The following CNTN4 variants were observed in gnomAD, a reference collection of about 807,000 sequenced individuals.
The protein encoded by CNTN4 is contactin 4.
CNTN4 carries 77 observed loss-of-function variants against 122.5 expected under a neutral mutation model. The observed-to-expected ratio is 0.63, with a 90% confidence interval of 0.52 to 0.76. CNTN4 has a LOEUF of 0.76. Among genes scored for constraint, CNTN4 ranks in the 30% least tolerant of loss-of-function variants. The pLI, the probability that CNTN4 is intolerant of heterozygous loss-of-function variation, is 0.00. For missense variants in CNTN4, 1,256 were observed against 1,259.1 expected (o/e 1.00, Z 0.04); for synonymous variants, 512 against 447.0 (o/e 1.15, Z -1.83).
chr3:2,693,649 G>C (rs1322258204), intron 4 of CNTN4, among the ~76,000 whole-genome samples: 1 of 152,120 alleles, frequency 6.6e-6, no homozygotes, highest in Non-Finnish European at 1.5e-5. Flanking sequence ...ATAAATGTTA[G>C]CCAGGAGAAA....
At chr3:2,510,833 A>G (rs1483708501) in intron 3 of CNTN4, among the ~76,000 whole-genome samples, 1 of 152,136 alleles carries the variant, frequency 6.6e-6, no homozygotes, top group Non-Finnish European at 1.5e-5. Context: ...ATGCAGACAG[A>G]GTAAGGAGGA....
At chr3:2,519,065 C>A (rs892867968) in intron 3 of CNTN4, among the ~76,000 whole-genome samples, 2 of 152,146 alleles carry the variant, frequency 1.3e-5, no homozygotes, top group East Asian at 3.9e-4. Flanking sequence ...GACTCCCTGT[C>A]TCTAGTGATA....
At chr3:2,928,937 T>A (rs1356581972) in intron 13 of CNTN4, among the ~76,000 whole-genome samples, 1 of 152,252 alleles carries the variant, frequency 6.6e-6, no homozygotes, top group Non-Finnish European at 1.5e-5. Flanking sequence ...AACATGTTCG[T>A]TATCTTAAAA....
At chr3:2,316,140 A>T (rs2043089919) in intron 2 of CNTN4, among the ~76,000 whole-genome samples, 1 of 152,134 alleles carries the variant, frequency 6.6e-6, no homozygotes. Context: ...TTTATATCAT[A>T]ATCTCATGAT....
intron 3 of CNTN4, among the ~76,000 whole-genome samples, chr3:2,515,915 T>C (rs574784018): frequency 6.6e-6 from 1 of 151,826 alleles, no homozygotes; most frequent in East Asian, 1.9e-4. Context: ...ACTATATATA[T>C]ATACACACAC....
At chr3:2,462,963 A>T (rs2049282896) in intron 3 of CNTN4, among the ~76,000 whole-genome samples, 1 of 152,162 alleles carries the variant, frequency 6.6e-6, no homozygotes, top group Non-Finnish European at 1.5e-5. Context: ...TATGTATTTC[A>T]CACTTCCAGC....
At chr3:2,643,490 G>A (rs896359429) in intron 4 of CNTN4, among the ~76,000 whole-genome samples, 2 of 152,076 alleles carry the variant, frequency 1.3e-5, no homozygotes, top group African/African-American at 4.8e-5. Context: ...CTTATTGAAC[G>A]ACGTTCACTA....
intron 2 of CNTN4, among the ~76,000 whole-genome samples, chr3:2,192,076 T>C (rs1424226246): frequency 6.6e-6 from 1 of 151,916 alleles, no homozygotes; most frequent in East Asian, 1.9e-4. Context: ...TTTTTATGGC[T>C]GCATAGTATT....
rs544375114 is a variant in CNTN4 at position 2,951,880 on chromosome 3, G to T, written c.1358+26101G>T. On this transcript the variant is annotated intron_variant, in intron 13 of 24. Coordinates refer to ENST00000418658, the MANE Select transcript of CNTN4 (RefSeq NM_175607.3). Reference sequence around the variant, plus strand: ...TGCCAGGATTTTAACCTTCAAACTAGCCTGTGTGTCATGGATCCCTGCACT... The same window carrying T: ...TGCCAGGATTTTAACCTTCAAACTATCCTGTGTGTCATGGATCCCTGCACT... 1.8e-4 allele frequency among the ~76,000 whole-genome samples: 27 copies of T among 152,274 alleles called. 1 individual carries two copies. The South Asian group carries it at 5.6e-3, about 32-fold the overall frequency.
At chr3:2,206,146 T>C (rs768010697) in intron 2 of CNTN4, among the ~76,000 whole-genome samples, 1 of 152,090 alleles carries the variant, frequency 6.6e-6, no homozygotes, top group Non-Finnish European at 1.5e-5. Context: ...AAGTAAATTA[T>C]TGAAACAAGG....
At chr3:2,811,693 C>G (rs2092615059) in intron 6 of CNTN4, among the ~76,000 whole-genome samples, 1 of 151,836 alleles carries the variant, frequency 6.6e-6, no homozygotes, top group South Asian at 2.1e-4. Flanking sequence ...TAGACGGAGT[C>G]TTGCTCTGTC....
intron 2 of CNTN4, among the ~76,000 whole-genome samples, chr3:2,329,937 A>G (rs2043647923): frequency 6.6e-6 from 1 of 152,186 alleles, no homozygotes; most frequent in African/African-American, 2.4e-5. Context: ...ATTTTCAGGT[A>G]CATAGTTATG....
intron 4 of CNTN4, among the ~76,000 whole-genome samples, chr3:2,729,989 T>C (rs563935165): frequency 7.2e-5 from 11 of 152,318 alleles, no homozygotes; most frequent in Admixed American, 3.9e-4. Context: ...TTCTGAGTCC[T>C]GATAATTAGA....
At chr3:2,429,543 G>C (rs776406400) in intron 3 of CNTN4, among the ~76,000 whole-genome samples, 4 of 152,240 alleles carry the variant, frequency 2.6e-5, no homozygotes, top group Non-Finnish European at 5.9e-5. Flanking sequence ...ACCCACTTGA[G>C]GCGGCAGTCT....
chr3:2,310,932 G>A (rs568855624), intron 2 of CNTN4, among the ~76,000 whole-genome samples: 1 of 152,030 alleles, frequency 6.6e-6, no homozygotes, highest in East Asian at 1.9e-4. Flanking sequence ...CAGTAGATGT[G>A]TTTTGAAAAT....
intron 4 of CNTN4, 77 bp downstream of exon 4, chr3:2,571,635 T>G (rs2079423467): frequency 9.6e-7 from 1 of 1,042,548 alleles, no homozygotes; most frequent in Non-Finnish European, 1.5e-6. Context: ...GGCCTTCACT[T>G]TAGACGGCAA....
intron 13 of CNTN4, among the ~76,000 whole-genome samples, chr3:2,950,594 G>C (rs541426358): frequency 6.6e-6 from 1 of 152,190 alleles, no homozygotes; most frequent in African/African-American, 2.4e-5. Flanking sequence ...AAAATGGTGC[G>C]CATTGCCCAG....
intron 3 of CNTN4, among the ~76,000 whole-genome samples, chr3:2,538,330 G>A (rs962013162): frequency 1.3e-5 from 2 of 152,022 alleles, no homozygotes; most frequent in Admixed American, 1.3e-4. Flanking sequence ...CTCAGTTTAC[G>A]TTACTGTGTT....
chr3:2,498,196 A>G (rs1459723054), intron 3 of CNTN4, among the ~76,000 whole-genome samples: 4 of 152,330 alleles, frequency 2.6e-5, no homozygotes, highest in Non-Finnish European at 4.4e-5. Flanking sequence ...GTATGAATAT[A>G]TATGGATTTT....
Sources: allele counts gnomAD v4.1 joint callset (sites outside exome capture counted in the v4.1 genomes callset), GRCh38; gene constraint gnomAD v4.1.1; transcripts MANE v1.5; gene names NCBI Gene and HGNC (gene_info 2026-07-23, HGNC 2026-07-21).